PAK4: variants seen among roughly 807,000 people sequenced by gnomAD.
PAK4 encodes the protein serine/threonine-protein kinase PAK 4.
PAK4 carries 49 observed loss-of-function variants against 53.5 expected under a neutral mutation model. The ratio of observed to expected loss-of-function variants is 0.92; its 90% CI spans 0.73 to 1.16. The LOEUF is 1.16. Among genes scored for constraint, PAK4 ranks in the 50% most tolerant of loss-of-function variants. The pLI is 0.00. For missense variants in PAK4, 824 were observed against 850.7 expected, an observed-to-expected ratio of 0.97 and a Z score of 0.39; for synonymous variants, 376 against 375.6, an observed-to-expected ratio of 1.00 and a Z score of -0.01.
intron 7 of PAK4, 92 bp from the exon 9 acceptor site, chr19:39,177,583 A>C: frequency 2.2e-6 from 3 of 1,375,590 alleles, no homozygotes; most frequent in Middle Eastern, 2.0e-4. Context: ...AGCCAGAGGC[A>C]GAGACAGCGC....
At chr19:39,177,732 T>A in exon 8 of PAK4, 3 of 1,613,588 alleles carry the variant, frequency 1.9e-6, no homozygotes, top group Non-Finnish European at 2.5e-6. Context: ...AGAGCCCCCC[T>A]ACTTCAACGA....
intron 2 of PAK4, 118 bp from the exon 4 acceptor site, chr19:39,172,800 A>G: frequency 1.1e-6 from 1 of 869,932 alleles, no homozygotes; most frequent in Non-Finnish European, 1.8e-6. Context: ...GCATCTCTTC[A>G]TTGCGTCTCT....
intron 1 of PAK4, among the ~76,000 whole-genome samples, chr19:39,154,726 G>T (rs1301141068): frequency 2.6e-5 from 4 of 152,192 alleles, no homozygotes; most frequent in Non-Finnish European, 5.9e-5. Flanking sequence ...CCCCGCCAGA[G>T]CCCAAACCTG....
intron 6 of PAK4, among the ~76,000 whole-genome samples, chr19:39,176,182 C>G (rs1862154898): frequency 6.6e-6 from 1 of 152,204 alleles, no homozygotes; most frequent in African/African-American, 2.4e-5. Context: ...CAGGCTGTGT[C>G]CCCTCACGGC....
chr19:39,172,231 G>T (rs1478978736), intron 2 of PAK4, among the ~76,000 whole-genome samples: 1 of 152,054 alleles, frequency 6.6e-6, no homozygotes, highest in African/African-American at 2.4e-5. Flanking sequence ...AGGGGGGCGG[G>T]GGTGGGGGAG....
chr19:39,171,561 C>A (rs2074479838), intron 2 of PAK4, among the ~76,000 whole-genome samples: 1 of 152,192 alleles, frequency 6.6e-6, no homozygotes, highest in South Asian at 2.1e-4. Flanking sequence ...TCCTGGGGCC[C>A]CTGGGCAAGG....
At chr19:39,171,006 C>T (rs2074468278) in intron 2 of PAK4, among the ~76,000 whole-genome samples, 1 of 152,178 alleles carries the variant, frequency 6.6e-6, no homozygotes, top group African/African-American at 2.4e-5. Context: ...GCTTTGCCCC[C>T]ACCAAGGTGT....
chr19:39,154,807 C>CA (rs1354972844), intron 1 of PAK4, among the ~76,000 whole-genome samples: 1 of 149,000 alleles, frequency 6.7e-6, no homozygotes, highest in Non-Finnish European at 1.5e-5. Context: ...CCCCACCCCC[C>CA]ACCCCATGGG....
intron 2 of PAK4, among the ~76,000 whole-genome samples, chr19:39,170,744 C>T (rs2074462983): frequency 6.6e-6 from 1 of 152,262 alleles, no homozygotes; most frequent in Non-Finnish European, 1.5e-5. Flanking sequence ...CAAGTGCAGC[C>T]TCAATGTGGT....
intron 1 of PAK4, among the ~76,000 whole-genome samples, chr19:39,165,784 T>G (rs955524538): frequency 3.4e-4 from 52 of 152,196 alleles, no homozygotes; most frequent in African/African-American, 1.2e-3. Flanking sequence ...AGGATGCTTG[T>G]GAGGATGGAA....
intron 1 of PAK4, among the ~76,000 whole-genome samples, chr19:39,147,686 G>A (rs2074023190): frequency 6.6e-6 from 1 of 152,098 alleles, no homozygotes; most frequent in South Asian, 2.1e-4. Flanking sequence ...TAATAAGTGT[G>A]CAGTGATAAC....
chr19:39,177,688 C>T (rs774651046), exon 8 of PAK4: 12 of 1,612,972 alleles, frequency 7.4e-6, no homozygotes, highest in South Asian at 1.1e-5. Flanking sequence ...GACATCTGGT[C>T]GCTGGGGATA....
intron 1 of PAK4, chr19:39,136,563 C>G (rs1568498491): frequency 6.6e-6 from 1 of 152,282 alleles, no homozygotes; most frequent in African/African-American, 2.4e-5. Flanking sequence ...TGTCACCCTC[C>G]CTCTAGCACC....
Position 39,161,691 on chromosome 19 carries a change from T to A in PAK4, c.-22-7841T>A, listed in dbSNP as rs2074287270. ...TCGGGAAAGGACCAGGCCCTCCCGG[T>A]GGCCCCCAAAGCCCCACACGATCTG... On this transcript the variant is annotated intron_variant, in intron 1 of 8. Transcript: ENST00000358301. The surrounding 1 kb of genome is among the most constrained non-coding windows in gnomAD (Gnocchi z 4.5). Among the ~76,000 whole-genome samples, 1 of 151,966 alleles carries A rather than the reference T, an allele frequency of 6.6e-6. No homozygotes were observed. Among genetic ancestry groups the A allele is most frequent in the Non-Finnish European group, 1.5e-5 (1 of 67,978 alleles).
At position 39,173,103 on chromosome 19, in the gene PAK4, G is replaced by A; in HGVS notation, c.390G>A (p.Gly130=). 3 of 1,548,056 alleles carry A rather than the reference G, an allele frequency of 1.9e-6. No homozygotes were observed. In the South Asian group the frequency reaches 3.6e-5, roughly 18 times the overall value. The change falls in exon 3 of 9, where the codon GGG becomes GGA. Residue 130 remains glycine, a synonymous_variant. Coordinates refer to ENST00000358301, the Ensembl canonical transcript of PAK4. This position sits in a 1 kb window ranked among gnomAD's most constrained non-coding sequence, Gnocchi z 6.9. Reference sequence around the variant, plus strand: ...CCACCACGGCCAGAGGGGGCCCAGGGAAGGCAGGCAGCCGAGGCCGGTTCG... The same window carrying A: ...CCACCACGGCCAGAGGGGGCCCAGGAAAGGCAGGCAGCCGAGGCCGGTTCG...
intron 1 of PAK4, among the ~76,000 whole-genome samples, chr19:39,154,782 G>A (rs1337020077): frequency 1.3e-5 from 2 of 152,128 alleles, no homozygotes; most frequent in Non-Finnish European, 2.9e-5. Flanking sequence ...TCTGCGGGTG[G>A]TTACTCGACA....
In PAK4 at chr19:39,173,772, CT is replaced by C. The variant is rs1260998946; in HGVS notation, c.861del (p.Gly288AlafsTer81). The C allele has an allele frequency of 1.9e-5, 31 of 1,596,430 alleles. No homozygotes were observed. Among genetic ancestry groups the C allele is most frequent in the Non-Finnish European group, 2.6e-5 (30 of 1,173,024 alleles). ...GCCGCCCCTGCTGTTCCTGGGCCCCCTGGCCCCCGCTCACCACAGCGGGAGC... is the reference window on the plus strand; with the variant it reads ...GCCGCCCCTGCTGTTCCTGGGCCCCCGGCCCCCGCTCACCACAGCGGGAGC... On this transcript the variant is annotated frameshift_variant, in exon 4 of 9. Transcript: ENST00000358301. LOFTEE classifies it high-confidence loss of function. This position sits in a 1 kb window ranked among gnomAD's most constrained non-coding sequence, Gnocchi z 6.9.
At chr19:39,181,103 T>TGAG (rs2074696392), downstream of PAK4, 1 of 147,376 alleles carries the variant, frequency 6.8e-6, no homozygotes. Context: ...TTTTGAGTTT[T>TGAG]TTTGTTTTTT....
intron 1 of PAK4, among the ~76,000 whole-genome samples, chr19:39,130,446 G>A (rs2073687229): frequency 6.6e-6 from 1 of 152,026 alleles, no homozygotes; most frequent in Admixed American, 6.6e-5. Context: ...TTCTGGATAA[G>A]ATGACATCTG....
Sources: gnomAD v4.1 joint callset for allele counts (sites outside exome capture counted in the v4.1 genomes callset) on GRCh38, gnomAD v4.1.1 for gene constraint, Gnocchi (gnomAD v3.1) non-coding constraint, MANE v1.5 for transcripts, NCBI Gene and HGNC (gene_info 2026-07-23, HGNC 2026-07-21) for gene names.